The following TIAM1 variants were observed in gnomAD, a reference collection of about 807,000 sequenced individuals.
TIAM1 encodes rho guanine nucleotide exchange factor TIAM1.
TIAM1 carries 65 observed loss-of-function variants against 163.5 expected under a neutral mutation model. The observed-to-expected ratio is 0.40, with a 90% CI of 0.33 to 0.49. TIAM1 has a LOEUF of 0.49. Ranked by LOEUF, TIAM1 falls within the 20% of genes least tolerant of loss-of-function variation. The probability of loss-of-function intolerance (pLI) is 0.77; values close to 1 mark genes in which losing one functional copy is unlikely to be tolerated. For missense variants in TIAM1, 1,789 were observed against 2,044.7 expected (o/e 0.87, Z 2.41); for synonymous variants, 833 against 810.1 (o/e 1.03, Z -0.48).
intron 27 of TIAM1, 145 bp downstream of exon 27, chr21:31,124,377 C>A: frequency 1.7e-6 from 2 of 1,211,960 alleles, no homozygotes; most frequent in Non-Finnish European, 2.2e-6. Flanking sequence ...GGGCAAGGAA[C>A]CTCACACCAG....
chr21:31,474,904 A>G (rs1602370935), intron 1 of TIAM1, among the ~76,000 whole-genome samples: 1 of 152,004 alleles, frequency 6.6e-6, no homozygotes, highest in East Asian at 1.9e-4. Context: ...AAACCTGTTT[A>G]GGGTAAGGAA....
rs2081975874 is a variant in TIAM1 at position 31,120,840 on chromosome 21, G to A, written c.4307-3C>T. The A allele has an allele frequency of 1.3e-6, 2 of 1,588,634 alleles. No homozygotes were observed. The highest frequency in any genetic ancestry group is 1.7e-6 in the Non-Finnish European group (2 of 1,168,364). ...AAGAGACTTGCTTGGGGCAGACACT[G>A]CACACACACACAAAAATATAAAAAT... On this transcript the variant is annotated splice_polypyrimidine_tract_variant and splice_region_variant and intron_variant, in intron 27 of 27. Transcript: ENST00000541036. The surrounding 1 kb of genome is among the most constrained non-coding windows in gnomAD (Gnocchi z 4.2).
chr21:31,307,567 A>T (rs1195703848), intron 2 of TIAM1, among the ~76,000 whole-genome samples: 2 of 152,166 alleles, frequency 1.3e-5, no homozygotes, highest in African/African-American at 4.8e-5. Context: ...GCAGTATCAC[A>T]CTGGGCCTTG....
In TIAM1 at chr21:31,313,092, C is replaced by G. The variant is rs529588248; in HGVS notation, c.-189+26151G>C. ...GTCCAATATATTATTTAATAAGATA[C>G]GACAAGCCCAAACATTCTTCTTGCA... On this transcript the variant is annotated intron_variant, in intron 2 of 27. Coordinates refer to ENST00000541036, the MANE Select transcript of TIAM1 (RefSeq NM_001353694.2). Among the ~76,000 whole-genome samples the G allele has an allele frequency of 2.6e-5, 4 of 152,268 alleles. No individual in the cohort carries two copies. The South Asian group carries it at 8.3e-4, about 32-fold the overall frequency.
chr21:31,310,241 C>G (rs185976202), intron 2 of TIAM1, among the ~76,000 whole-genome samples: 2 of 152,300 alleles, frequency 1.3e-5, no homozygotes, highest in East Asian at 3.9e-4. Context: ...CCTCCAAGCT[C>G]TATCTCTAGT....
intron 6 of TIAM1, among the ~76,000 whole-genome samples, chr21:31,244,327 C>T (rs188257888): frequency 6.6e-5 from 10 of 152,290 alleles, no homozygotes; most frequent in African/African-American, 2.4e-4. Context: ...GTCCTTGTCA[C>T]GCCATTTATA....
intron 2 of TIAM1, among the ~76,000 whole-genome samples, chr21:31,286,119 G>A (rs138678497): frequency 1.6e-4 from 24 of 152,276 alleles, no homozygotes; most frequent in Non-Finnish European, 3.1e-4. Flanking sequence ...ATCCTGTGTT[G>A]CACCATTGCT....
Position 31,127,140 on chromosome 21 carries a change from T to C in TIAM1, c.4058A>G (p.Asn1353Ser). The change falls in exon 26 of 28, where the codon AAT (asparagine) becomes AGT (serine). Residue 1353 changes from asparagine (N) to serine (S), a missense_variant. Asn to Ser is a conservative substitution (Grantham distance 46). Coordinates refer to ENST00000541036, the MANE Select transcript of TIAM1 (RefSeq NM_001353694.2). ...TACATGGACAATTTCACACACGGCA[T>C]TTGCCTCTGCATCTAAAGAAATTAA... ...RALASADAEANAVCEIVHVKS... is the reference protein window; with the variant it reads ...RALASADAEASAVCEIVHVKS... The C allele has an allele frequency of 1.9e-6, 3 of 1,613,946 alleles. No individual in the cohort carries two copies. The highest frequency in any genetic ancestry group is 1.7e-6 in the Non-Finnish European group (2 of 1,179,814).
chr21:31,127,522 G>C (rs190129411), intron 25 of TIAM1, among the ~76,000 whole-genome samples: 1 of 151,716 alleles, frequency 6.6e-6, no homozygotes, highest in Admixed American at 6.6e-5. Context: ...GGGTTCAAGT[G>C]ATTCTCCTGC....
chr21:31,167,526 C>A (rs2146374586), intron 15 of TIAM1, among the ~76,000 whole-genome samples: 1 of 152,244 alleles, frequency 6.6e-6, no homozygotes, highest in East Asian at 1.9e-4. Flanking sequence ...TCTCCAAAGC[C>A]CAAATGAAGA....
At chr21:31,534,724 G>C (rs2048073042) in intron 1 of TIAM1, among the ~76,000 whole-genome samples, 1 of 152,030 alleles carries the variant, frequency 6.6e-6, no homozygotes, top group Non-Finnish European at 1.5e-5. Flanking sequence ...CTACCTGCCT[G>C]GTCAAAACCA....
Position 31,267,438 on chromosome 21 carries a change from A to AT in TIAM1, c.-11-456dup, listed in dbSNP as rs2072839856. On this transcript the variant is annotated intron_variant, in intron 3 of 27. Transcript: ENST00000541036. The stretch of plus-strand genomic sequence containing the variant: ...GTAATTTCTGTTTGAAATGATACAC[A>AT]TATTTCAAAAAACAAAACTTAGAGG... 2.6e-5 allele frequency among the ~76,000 whole-genome samples: 4 copies of AT among 152,162 alleles called. No homozygotes were observed. In the South Asian group the frequency reaches 8.3e-4, roughly 32 times the overall value.
chr21:31,534,607 G>C (rs1206802442), intron 1 of TIAM1, among the ~76,000 whole-genome samples: 1 of 152,186 alleles, frequency 6.6e-6, no homozygotes, highest in Non-Finnish European at 1.5e-5. Flanking sequence ...CCGGGAGGCA[G>C]AGGTTGCAGT....
chr21:31,430,674 G>T (rs1435266022), intron 2 of TIAM1, among the ~76,000 whole-genome samples: 1 of 152,106 alleles, frequency 6.6e-6, no homozygotes, highest in Non-Finnish European at 1.5e-5. Context: ...ATTTGTTTTA[G>T]AATTAAAATT....
chr21:31,181,376 G>A (rs560529075), intron 15 of TIAM1, among the ~76,000 whole-genome samples: 3 of 152,126 alleles, frequency 2.0e-5, no homozygotes, highest in African/African-American at 7.2e-5. Flanking sequence ...CAAATTTGCA[G>A]GGTTGTGGGG....
chr21:31,449,827 T>C (rs73902352), intron 2 of TIAM1, among the ~76,000 whole-genome samples: 3,820 of 152,292 alleles, frequency 0.025, 93 homozygotes, highest in African/African-American at 0.064. Flanking sequence ...CAACTGACTA[T>C]GTCAAGTACC....
At chr21:31,306,299 A>G (rs1399196996) in intron 2 of TIAM1, among the ~76,000 whole-genome samples, 2 of 152,140 alleles carry the variant, frequency 1.3e-5, no homozygotes, top group Non-Finnish European at 1.5e-5. Flanking sequence ...AAAAAAATCA[A>G]TAAATAATAC....
chr21:31,182,288 C>T (rs1194400169), intron 15 of TIAM1, 133 bp downstream of exon 15: 1 of 671,124 alleles, frequency 1.5e-6, no homozygotes, highest in Admixed American at 3.7e-5. Context: ...AGTCATCAGC[C>T]CATCTTGCAC....
intron 1 of TIAM1, among the ~76,000 whole-genome samples, chr21:31,501,538 G>A (rs2046848579): frequency 6.6e-6 from 1 of 152,140 alleles, no homozygotes; most frequent in Non-Finnish European, 1.5e-5. Flanking sequence ...GTTCTCTCAA[G>A]ACAAAACTGG....
Sources: gnomAD v4.1 joint callset for allele counts (sites outside exome capture counted in the v4.1 genomes callset) on GRCh38, gnomAD v4.1.1 for gene constraint, Gnocchi (gnomAD v3.1) non-coding constraint, MANE v1.5 for transcripts, NCBI Gene and HGNC (gene_info 2026-07-23, HGNC 2026-07-21) for gene names.